Variants in SDCCAG8 observed in about 807,000 individuals in gnomAD.
The protein encoded by SDCCAG8 is SHH signaling and ciliogenesis regulator SDCCAG8, also known as serologically defined colon cancer antigen 8.
A neutral mutation model predicts 101.8 loss-of-function variants in SDCCAG8; 74 were observed. The observed-to-expected ratio is 0.73, with a 90% CI of 0.60 to 0.88. SDCCAG8 has a LOEUF of 0.88. Among genes scored for constraint, SDCCAG8 ranks in the 40% least tolerant of loss-of-function variants. The probability of loss-of-function intolerance (pLI) is 0.00; values close to 1 mark genes in which losing one functional copy is unlikely to be tolerated. For missense variants in SDCCAG8, 787 were observed against 822.6 expected, an observed-to-expected ratio of 0.96 and a Z score of 0.53; for synonymous variants, 281 against 292.9, an observed-to-expected ratio of 0.96 and a Z score of 0.41.
intron 5 of SDCCAG8, 57 bp downstream of exon 5, chr1:243,286,454 T>C: frequency 1.3e-6 from 2 of 1,580,502 alleles, no homozygotes; most frequent in Non-Finnish European, 1.7e-6. Flanking sequence ...CCTTCTGCCC[T>C]CTCTCCTCGC....
chr1:243,367,539 A>G (rs1245287838), intron 12 of SDCCAG8, among the ~76,000 whole-genome samples: 2 of 152,010 alleles, frequency 1.3e-5, no homozygotes, highest in Non-Finnish European at 2.9e-5. Context: ...CTTTCACCTC[A>G]GAAACAGTGG....
intron 12 of SDCCAG8, among the ~76,000 whole-genome samples, chr1:243,347,096 C>T (rs576252839): frequency 6.6e-6 from 1 of 152,174 alleles, no homozygotes; most frequent in African/African-American, 2.4e-5. Context: ...TCACTTTTTT[C>T]TCTCTACTTC....
At position 243,306,836 on chromosome 1, in the gene SDCCAG8, C is replaced by G. The variant is rs545847746; in HGVS notation, c.741-1153C>G. 3.9e-5 allele frequency among the ~76,000 whole-genome samples: 6 copies of G among 151,996 alleles called. No individual in the cohort carries two copies. The South Asian group carries it at 1.2e-3, about 32-fold the overall frequency. ...AAGTTTTTTTTTAACCCTTAGATTG[C>G]CTGTGGGTCTTTTATGCCTCTCCTG... On this transcript the variant is annotated intron_variant, in intron 7 of 17. Coordinates refer to ENST00000366541, the MANE Select transcript of SDCCAG8 (RefSeq NM_006642.5).
At chr1:243,488,650 C>T (rs1436908255) in intron 16 of SDCCAG8, among the ~76,000 whole-genome samples, 1 of 152,198 alleles carries the variant, frequency 6.6e-6, no homozygotes, top group African/African-American at 2.4e-5. Flanking sequence ...CCGGGGCGGC[C>T]GTCTGCTCAG....
rs1001462740 is a variant in SDCCAG8, at chr1:243,404,443, A to G, written c.1617-11259A>G. 1.6e-4 allele frequency among the ~76,000 whole-genome samples: 24 copies of G among 152,368 alleles called. No individual in the cohort carries two copies. The East Asian group carries it at 4.0e-3, about 26-fold the overall frequency. ...AAGAATAGTTATAAGCAAGTATTAC[A>G]AAGTCAAATAGAAATAATGTTAAAT... On this transcript the variant is annotated intron_variant, in intron 13 of 17. Transcript: ENST00000366541.
chr1:243,294,725 C>T (rs1298837294), intron 6 of SDCCAG8, among the ~76,000 whole-genome samples: 2 of 127,482 alleles, frequency 1.6e-5, no homozygotes, highest in South Asian at 2.6e-4. Flanking sequence ...TGCCTTTGAA[C>T]GTCCTAATTT....
At chr1:243,353,045 C>G (rs2076169795) in intron 12 of SDCCAG8, among the ~76,000 whole-genome samples, 1 of 152,110 alleles carries the variant, frequency 6.6e-6, no homozygotes, top group African/African-American at 2.4e-5. Context: ...TATGTGCACT[C>G]TACTTAGCTA....
At chr1:243,436,550 A>G (rs73120318) in intron 16 of SDCCAG8, among the ~76,000 whole-genome samples, 11 of 152,252 alleles carry the variant, frequency 7.2e-5, no homozygotes, top group African/African-American at 2.4e-4. Flanking sequence ...AACTACATTC[A>G]TCTGAGAGGA....
At chr1:243,365,966 A>G (rs2076969557) in intron 12 of SDCCAG8, among the ~76,000 whole-genome samples, 1 of 152,070 alleles carries the variant, frequency 6.6e-6, no homozygotes, top group African/African-American at 2.4e-5. Flanking sequence ...AATAGTGTCA[A>G]TTTTGAACAA....
chr1:243,294,307 ACTC>A (rs2070572606), intron 6 of SDCCAG8, among the ~76,000 whole-genome samples: 1 of 151,694 alleles, frequency 6.6e-6, no homozygotes, highest in Non-Finnish European at 1.5e-5. Flanking sequence ...AGGCTGTAAT[ACTC>A]CTTTTGTTTT....
At chr1:243,367,843 C>G (rs1239003201) in intron 12 of SDCCAG8, among the ~76,000 whole-genome samples, 1 of 150,926 alleles carries the variant, frequency 6.6e-6, no homozygotes, top group Non-Finnish European at 1.5e-5. Flanking sequence ...TATATATTAA[C>G]ATTTTAAGTG....
intron 1 of SDCCAG8, among the ~76,000 whole-genome samples, chr1:243,268,907 C>T (rs2067851196): frequency 1.3e-5 from 2 of 151,826 alleles, no homozygotes; most frequent in Non-Finnish European, 2.9e-5. Flanking sequence ...CAGAGTGGGG[C>T]AGCGGGGTGC....
At chr1:243,283,333 T>A (rs1301841044) in intron 4 of SDCCAG8, among the ~76,000 whole-genome samples, 1 of 151,612 alleles carries the variant, frequency 6.6e-6, no homozygotes, top group East Asian at 1.9e-4. Context: ...ATTCAGGAAA[T>A]TTTTCAGTCA....
chr1:243,369,317 A>G (rs778582923), intron 12 of SDCCAG8, among the ~76,000 whole-genome samples: 1 of 152,138 alleles, frequency 6.6e-6, no homozygotes, highest in Non-Finnish European at 1.5e-5. Flanking sequence ...ATTACCACAT[A>G]GTGTTGTCAG....
intron 16 of SDCCAG8, among the ~76,000 whole-genome samples, chr1:243,468,319 G>A (rs954458658): frequency 2.0e-5 from 3 of 151,642 alleles, no homozygotes; most frequent in Admixed American, 6.6e-5. Flanking sequence ...CCGGGTTCAA[G>A]CAATTCTCTT....
chr1:243,387,398 C>A (rs1473746958), intron 13 of SDCCAG8, among the ~76,000 whole-genome samples: 1 of 152,058 alleles, frequency 6.6e-6, no homozygotes, highest in Non-Finnish European at 1.5e-5. Flanking sequence ...ATTCTTATTT[C>A]TCCTTTTACA....
At chr1:243,350,040 A>G (rs2075996595) in intron 12 of SDCCAG8, among the ~76,000 whole-genome samples, 1 of 152,226 alleles carries the variant, frequency 6.6e-6, no homozygotes, top group Non-Finnish European at 1.5e-5. Context: ...TATCTACAGC[A>G]GTGATTCAGC....
At chr1:243,329,924 TG>T (rs1268773518) in intron 9 of SDCCAG8, among the ~76,000 whole-genome samples, 1 of 152,202 alleles carries the variant, frequency 6.6e-6, no homozygotes, top group Non-Finnish European at 1.5e-5. Flanking sequence ...AACTAAGTAG[TG>T]AATACTGTCT....
At chr1:243,322,275 T>C (rs776852205) in intron 9 of SDCCAG8, among the ~76,000 whole-genome samples, 49 of 152,136 alleles carry the variant, frequency 3.2e-4, no homozygotes, top group Non-Finnish European at 6.6e-4. Context: ...ATCAGGAAGA[T>C]TGGTTTCAGA....
Sources: allele counts gnomAD v4.1 joint callset (sites outside exome capture counted in the v4.1 genomes callset), GRCh38; gene constraint gnomAD v4.1.1; transcripts MANE v1.5; gene names NCBI Gene and HGNC (gene_info 2026-07-23, HGNC 2026-07-21).